Variants in CSMD3 observed in about 807,000 individuals in gnomAD.
CSMD3 encodes CUB and sushi domain-containing protein 3.
Under a neutral mutation model 435.2 loss-of-function variants are expected in CSMD3, and 177 were observed. The ratio of observed to expected loss-of-function variants is 0.41; its 90% CI spans 0.36 to 0.46. The LOEUF (loss-of-function observed/expected upper bound fraction) is 0.46, where lower values mean the gene tolerates loss of function less well. CSMD3 is among the 20% of genes least tolerant of loss of function. The probability of loss-of-function intolerance (pLI) is 0.34; values close to 1 mark genes in which losing one functional copy is unlikely to be tolerated. For missense variants in CSMD3, 4,265 were observed against 4,504.6 expected (o/e 0.95, Z 1.52); for synonymous variants, 1,656 against 1,520.5 (o/e 1.09, Z -2.07).
intron 3 of CSMD3, among the ~76,000 whole-genome samples, chr8:113,208,197 C>G (rs1309946311): frequency 6.6e-6 from 1 of 152,092 alleles, no homozygotes. Flanking sequence ...ATTAAGTCCC[C>G]ATTAATGTTG....
At chr8:113,277,671 G>A (rs745776819) in intron 3 of CSMD3, among the ~76,000 whole-genome samples, 17 of 151,876 alleles carry the variant, frequency 1.1e-4, no homozygotes, top group Non-Finnish European at 2.4e-4. Context: ...TGTTAGACCT[G>A]ATGTGATAAA....
intron 13 of CSMD3, among the ~76,000 whole-genome samples, chr8:112,731,669 CA>C (rs2077077773): frequency 6.6e-6 from 1 of 151,712 alleles, no homozygotes; most frequent in Admixed American, 6.6e-5. Context: ...GCATTTGCCA[CA>C]GTGTATTTCA....
intron 38 of CSMD3, among the ~76,000 whole-genome samples, chr8:112,356,903 A>G (rs112619828): frequency 0.1 from 15,956 of 152,042 alleles, 1,963 homozygotes; most frequent in African/African-American, 0.3. Flanking sequence ...TAAATTGCCC[A>G]GTCTCAGGTA....
At chr8:113,435,462 C>A (rs1186861603) in intron 1 of CSMD3, among the ~76,000 whole-genome samples, 1 of 152,154 alleles carries the variant, frequency 6.6e-6, no homozygotes, top group African/African-American at 2.4e-5. Flanking sequence ...CGTGGGGGGA[C>A]AGCCAGCTGC....
chr8:112,739,311 C>G (rs527635548), intron 13 of CSMD3, among the ~76,000 whole-genome samples: 50 of 151,714 alleles, frequency 3.3e-4, no homozygotes, highest in African/African-American at 1.1e-3. Flanking sequence ...CCTATTCTTC[C>G]ATAAGAAATG....
At chr8:112,411,573 T>C (rs1289748273) in intron 32 of CSMD3, among the ~76,000 whole-genome samples, 1 of 151,994 alleles carries the variant, frequency 6.6e-6, no homozygotes, top group African/African-American at 2.4e-5. Context: ...TAAGTTATTT[T>C]GTAGTATGAA....
intron 13 of CSMD3, among the ~76,000 whole-genome samples, chr8:112,792,197 T>C (rs1276703109): frequency 6.6e-6 from 1 of 152,184 alleles, no homozygotes; most frequent in Non-Finnish European, 1.5e-5. Context: ...GAAGTCCAAT[T>C]TATCAATTTT....
rs2075991798 is a variant in CSMD3 at position 112,685,539 on chromosome 8, T to C, written c.2349A>G (p.Pro783=). Residue 783 remains proline (P), a synonymous_variant, in exon 15 of 71, where the codon CCA becomes CCG. Transcript: ENST00000297405. ...DFLAVKDGDS[P]ESPILGTFTG... is the part of the protein sequence containing the mutation. Reference sequence around the variant, plus strand: ...TAAAGGTTCCAAGAATTGGGGATTCTGGAGAGTCACCATCTTTAACAGCAA... The same window carrying C: ...TAAAGGTTCCAAGAATTGGGGATTCCGGAGAGTCACCATCTTTAACAGCAA... The C allele has an allele frequency of 6.2e-7, 1 of 1,613,912 alleles. No homozygotes were observed. The highest frequency in any genetic ancestry group is 8.5e-7 in the Non-Finnish European group (1 of 1,179,938).
chr8:113,034,229 T>C (rs1413528123), intron 5 of CSMD3, among the ~76,000 whole-genome samples: 1 of 151,588 alleles, frequency 6.6e-6, no homozygotes, highest in African/African-American at 2.4e-5. Flanking sequence ...TAACCTTAAA[T>C]ATTAGATCAA....
chr8:113,038,970 A>G (rs954763183), intron 5 of CSMD3, among the ~76,000 whole-genome samples: 6 of 152,282 alleles, frequency 3.9e-5, no homozygotes, highest in Admixed American at 3.3e-4. Flanking sequence ...TCTCTGTACC[A>G]TATTTCAGCC....
intron 5 of CSMD3, among the ~76,000 whole-genome samples, chr8:113,051,441 C>T (rs946960310): frequency 6.6e-6 from 1 of 152,064 alleles, no homozygotes; most frequent in Non-Finnish European, 1.5e-5. Flanking sequence ...TATAGAAAAA[C>T]TACAGATTTT....
chr8:112,369,828 A>G (rs151160006), intron 38 of CSMD3, among the ~76,000 whole-genome samples: 29 of 152,160 alleles, frequency 1.9e-4, no homozygotes, highest in Admixed American at 4.6e-4. Context: ...ATGTATACCT[A>G]TGTAACAAAC....
intron 11 of CSMD3, among the ~76,000 whole-genome samples, chr8:112,855,745 C>T (rs1012129288): frequency 2.0e-5 from 3 of 150,444 alleles, no homozygotes; most frequent in African/African-American, 7.3e-5. Flanking sequence ...CAGACATGGG[C>T]ATTTCTATGA....
intron 1 of CSMD3, among the ~76,000 whole-genome samples, chr8:113,419,544 G>T (rs1023655252): frequency 5.3e-5 from 8 of 151,988 alleles, no homozygotes; most frequent in African/African-American, 1.9e-4. Context: ...ATTTAGAAAG[G>T]GCTATTGATA....
chr8:113,384,314 TTC>T (rs2094430431), intron 1 of CSMD3, among the ~76,000 whole-genome samples: 1 of 152,180 alleles, frequency 6.6e-6, no homozygotes, highest in African/African-American at 2.4e-5. Flanking sequence ...AATAAATGAA[TTC>T]TGTTTCCTCT....
At chr8:112,445,349 A>G (rs1815480228) in intron 32 of CSMD3, among the ~76,000 whole-genome samples, 1 of 152,178 alleles carries the variant, frequency 6.6e-6, no homozygotes, top group Non-Finnish European at 1.5e-5. Flanking sequence ...TCATTTATAA[A>G]GAAAATAGAT....
intron 59 of CSMD3, among the ~76,000 whole-genome samples, chr8:112,278,501 A>T (rs527307851): frequency 3.9e-5 from 6 of 152,274 alleles, no homozygotes; most frequent in Admixed American, 2.6e-4. Context: ...ATATGTCTCA[A>T]ATTTAGTGCA....
intron 7 of CSMD3, among the ~76,000 whole-genome samples, chr8:112,962,263 G>T (rs1329745165): frequency 6.6e-6 from 1 of 150,980 alleles, no homozygotes; most frequent in Non-Finnish European, 1.5e-5. Flanking sequence ...TTTTATCATA[G>T]ATAATTTGAT....
chr8:112,989,016 C>T (rs1024611775), intron 6 of CSMD3, among the ~76,000 whole-genome samples: 4 of 152,008 alleles, frequency 2.6e-5, no homozygotes, highest in African/African-American at 9.7e-5. Context: ...TTTATTCATT[C>T]TTCCAGAATT....
Sources: allele counts gnomAD v4.1 joint callset (sites outside exome capture counted in the v4.1 genomes callset), GRCh38; gene constraint gnomAD v4.1.1; transcripts MANE v1.5; gene names NCBI Gene and HGNC (gene_info 2026-07-23, HGNC 2026-07-21).